Variants in PRKG1 observed in about 807,000 individuals in gnomAD.
PRKG1 encodes cGMP-dependent protein kinase 1.
In PRKG1, 35 loss-of-function variants were observed where a neutral mutation model predicts 88.1. The ratio of observed to expected loss-of-function variants is 0.40; its 90% CI spans 0.30 to 0.53. The LOEUF (loss-of-function observed/expected upper bound fraction) is 0.53. PRKG1 is among the 20% of genes least tolerant of loss of function. The pLI, the probability that PRKG1 is intolerant of heterozygous loss-of-function variation, is 0.59. For synonymous variants in PRKG1, 303 were observed against 292.5 expected (o/e 1.04, Z -0.37); for missense variants, 540 against 839.8 (o/e 0.64, Z 4.41).
At chr10:51,125,916 T>G (rs1174388378) in intron 1 of PRKG1, among the ~76,000 whole-genome samples, 1 of 134,192 alleles carries the variant, frequency 7.5e-6, no homozygotes, top group Non-Finnish European at 1.5e-5. Context: ...GTGTAATTTA[T>G]AAATATATAA....
intron 2 of PRKG1, among the ~76,000 whole-genome samples, chr10:51,336,266 T>A (rs939853598): frequency 1.3e-5 from 2 of 152,002 alleles, no homozygotes; most frequent in African/African-American, 4.8e-5. Flanking sequence ...CGCAGGAGAA[T>A]CACTTGACCC....
At chr10:51,016,669 C>CTTTATTTTTTTTTTTT in intron 1 of PRKG1, among the ~76,000 whole-genome samples, 1 of 22,790 alleles carries the variant, frequency 4.4e-5, no homozygotes, top group Non-Finnish European at 8.3e-5. Flanking sequence ...TATTATTATC[C>CTTTATTTTTTTTTTTT]TTTCTTTTTT....
intron 3 of PRKG1, among the ~76,000 whole-genome samples, chr10:51,701,590 T>C (rs2132415070): frequency 6.6e-6 from 1 of 152,310 alleles, no homozygotes; most frequent in Non-Finnish European, 1.5e-5. Flanking sequence ...GGGTTAAGGA[T>C]AGTATCATTT....
At chr10:51,354,512 A>T (rs1842323114) in intron 2 of PRKG1, among the ~76,000 whole-genome samples, 1 of 152,190 alleles carries the variant, frequency 6.6e-6, no homozygotes, top group Non-Finnish European at 1.5e-5. Context: ...ATTGAGATTT[A>T]AAATATCATT....
intron 2 of PRKG1, among the ~76,000 whole-genome samples, chr10:51,155,096 A>C (rs765928423): frequency 6.6e-6 from 1 of 152,088 alleles, no homozygotes; most frequent in Non-Finnish European, 1.5e-5. Context: ...CTTTTACTTC[A>C]TCTGTTTTCC....
intron 2 of PRKG1, among the ~76,000 whole-genome samples, chr10:51,182,462 T>G (rs906590474): frequency 2.6e-5 from 4 of 152,204 alleles, no homozygotes; most frequent in African/African-American, 9.7e-5. Flanking sequence ...GCAATAGATC[T>G]TTGCATCACG....
chr10:51,177,497 C>G (rs185149501), intron 2 of PRKG1, among the ~76,000 whole-genome samples: 1 of 152,100 alleles, frequency 6.6e-6, no homozygotes, highest in Non-Finnish European at 1.5e-5. Flanking sequence ...AGACTCCAAG[C>G]CTTTCAATGA....
At chr10:51,467,300 A>C (rs1341741008) in intron 2 of PRKG1, among the ~76,000 whole-genome samples, 1 of 152,046 alleles carries the variant, frequency 6.6e-6, no homozygotes, top group Admixed American at 6.6e-5. Context: ...AAAGGGTCAA[A>C]GTAATTCCCC....
intron 9 of PRKG1, among the ~76,000 whole-genome samples, chr10:52,166,059 T>G (rs528590481): frequency 2.3e-4 from 35 of 152,352 alleles, no homozygotes; most frequent in African/African-American, 8.2e-4. Context: ...TTGTTGCTAA[T>G]TATCCACTGA....
At position 51,670,749 on chromosome 10, in the gene PRKG1, TAAATA is replaced by T. The variant is rs1564599531; in HGVS notation, c.593-133833_593-133829del. Among the ~76,000 whole-genome samples the T allele has an allele frequency of 3.6e-3, 262 of 71,936 alleles. 8 individuals carry two copies. Among genetic ancestry groups the T allele is most frequent in the African/African-American group, 0.014 (246 of 17,952 alleles). 47.2% of individuals were successfully genotyped at this position (71,936 alleles called of 152,430 possible). ...AGACTCCGTCTCAAAAAAAAATAAA[TAAATA>T]AATAAATAAATAAATAAATAAATAA... is the stretch of plus-strand genomic sequence containing the variant. On this transcript the variant is annotated intron_variant, in intron 3 of 17. Coordinates refer to ENST00000373980, the MANE Select transcript of PRKG1 (RefSeq NM_006258.4).
At chr10:51,525,502 T>C (rs183999064) in intron 3 of PRKG1, among the ~76,000 whole-genome samples, 4 of 151,970 alleles carry the variant, frequency 2.6e-5, no homozygotes, top group African/African-American at 9.7e-5. Flanking sequence ...ATCGAGACCA[T>C]CCTGACTAAC....
At chr10:51,397,125 A>ATTTT (rs35688462) in intron 2 of PRKG1, among the ~76,000 whole-genome samples, 1 of 126,110 alleles carries the variant, frequency 7.9e-6, no homozygotes. Context: ...ATTACTGAGT[A>ATTTT]TTTTTTTTTT....
intron 4 of PRKG1, among the ~76,000 whole-genome samples, chr10:51,865,372 G>A (rs1423350098): frequency 6.6e-6 from 1 of 151,784 alleles, no homozygotes; most frequent in African/African-American, 2.4e-5. Flanking sequence ...TTACAACAAG[G>A]CATTAATAAA....
intron 8 of PRKG1, among the ~76,000 whole-genome samples, chr10:52,157,600 A>G (rs1291267361): frequency 6.6e-6 from 1 of 151,336 alleles, no homozygotes; most frequent in Non-Finnish European, 1.5e-5. Flanking sequence ...CTTATTACCC[A>G]CTGAATTACG....
Position 51,074,579 on chromosome 10 carries a change from G to A in PRKG1, c.-12G>A. On this transcript the variant is annotated 5_prime_UTR_variant, in exon 1 of 18. Coordinates refer to ENST00000373980, the MANE Select transcript of PRKG1 (RefSeq NM_006258.4). ...CAGCGGCAGGAAGGAGCCCCCGGCA[G>A]CCCGGAGGAGCATGGGCACCTTGCG... 6.2e-7 allele frequency: 1 copy of A among 1,602,648 alleles called. No homozygotes were observed. Among genetic ancestry groups the A allele is most frequent in the East Asian group, 2.2e-5 (1 of 44,494 alleles).
Position 51,959,273 on chromosome 10 carries a change from G to A in PRKG1, c.762+51703G>A, listed in dbSNP as rs75039804. ...ACAGAGTAATTAATCATCATTTTAC[G>A]ATAATTGGAGAAGATTTTGTAGAGG... On this transcript the variant is annotated intron_variant, in intron 5 of 17. Transcript: ENST00000373980. Among the ~76,000 whole-genome samples, 662 of 152,244 alleles carry A rather than the reference G, an allele frequency of 4.3e-3. 6 individuals are homozygous for A. Among genetic ancestry groups the A allele is most frequent in the Non-Finnish European group, 4.2e-3 (283 of 68,022 alleles).
intron 8 of PRKG1, among the ~76,000 whole-genome samples, chr10:52,140,181 G>T (rs1837537552): frequency 6.6e-6 from 1 of 152,158 alleles, no homozygotes; most frequent in Non-Finnish European, 1.5e-5. Flanking sequence ...ATAATTTCTT[G>T]ACCCCTGACT....
intron 7 of PRKG1, chr10:52,128,413 G>GAGAATTGGTTT: frequency 1.0e-6 from 1 of 985,418 alleles, no homozygotes; most frequent in East Asian, 1.1e-4. Context: ...TGAGACACAA[G>GAGAATTGGTTT]AGAATTGGTT....
At chr10:51,896,066 G>A (rs186537811) in intron 4 of PRKG1, among the ~76,000 whole-genome samples, 1 of 152,142 alleles carries the variant, frequency 6.6e-6, no homozygotes, top group Non-Finnish European at 1.5e-5. Flanking sequence ...TTGAGGAAGA[G>A]TTAAACAATG....
Sources: allele counts gnomAD v4.1 joint callset (sites outside exome capture counted in the v4.1 genomes callset), GRCh38; gene constraint gnomAD v4.1.1; transcripts MANE v1.5; gene names NCBI Gene and HGNC (gene_info 2026-07-23, HGNC 2026-07-21).